Variants in ICMT observed in about 807,000 individuals in gnomAD.
The protein encoded by ICMT is protein-S-isoprenylcysteine O-methyltransferase.
A neutral mutation model predicts 32.2 loss-of-function variants in ICMT; 10 were observed. The ratio of observed to expected loss-of-function variants is 0.31; its 90% CI spans 0.19 to 0.53. The LOEUF (loss-of-function observed/expected upper bound fraction) is 0.53, where lower values mean the gene tolerates loss of function less well. Among genes scored for constraint, ICMT ranks in the 20% least tolerant of loss-of-function variants. The pLI is 0.96. For synonymous variants in ICMT, 183 were observed against 158.2 expected (o/e 1.16, Z -1.18); for missense variants, 265 against 356.9 (o/e 0.74, Z 2.07).
chr1:6,234,164 C>T (rs1040247688), intron 2 of ICMT, among the ~76,000 whole-genome samples: 5 of 152,134 alleles, frequency 3.3e-5, no homozygotes, highest in East Asian at 3.8e-4. Context: ...CGTGAGCCAC[C>T]GCGCCCGGCA....
Position 6,225,066 on chromosome 1 carries a change from G to A in ICMT, c.*14C>T, listed in dbSNP as rs79611532. ...CAGGGTCGGAGGCCCCAAGGTCACC[G>A]GGGCCACTGCCCGTCACAGGTCCAC... On this transcript the variant is annotated 3_prime_UTR_variant, in exon 5 of 5. Transcript: ENST00000343813. 3,839 of 1,607,564 alleles carry A rather than the reference G, an allele frequency of 2.4e-3. 77 individuals are homozygous for A. In the African/African-American group the frequency reaches 0.046, roughly 19 times the overall value.
Position 6,224,610 on chromosome 1 carries a change from T to TTAAAGAAATAAAGAAATAAAGAAA in ICMT, c.*469_*470insTTTCTTTATTTCTTTATTTCTTTA. On this transcript the variant is annotated 3_prime_UTR_variant, in exon 5 of 5. Transcript: ENST00000343813. ...GCAGTGGGGGACAGAAATAAAGAGG[T>TTAAAGAAATAAAGAAATAAAGAAA]TAAAGCGGTCTGTGTTTTTCGGTTA... is the stretch of plus-strand genomic sequence containing the variant. 6.5e-6 allele frequency: 1 copy of TTAAAGAAATAAAGAAATAAAGAAA among 154,860 alleles called. No individual in the cohort carries two copies. The highest frequency in any genetic ancestry group is 2.4e-5 in the African/African-American group (1 of 41,606). 9.6% of individuals were successfully genotyped at this position (154,860 alleles called of 1,614,324 possible).
rs191646116 is a variant in ICMT at position 6,228,847 on chromosome 1, T to C, written c.672+3055A>G. 1.4e-3 allele frequency among the ~76,000 whole-genome samples: 205 copies of C among 143,742 alleles called. 4 individuals are homozygous for C. The highest frequency in any genetic ancestry group is 0.014 in the Admixed American group (195 of 14,234). The allele number at this position is 143,742 out of a possible 152,430, so 94.3% of individuals were successfully genotyped here. ...TTTGAGAACCGCCTGGCCAACACAG[T>C]GAAACCCCTACTAAACCTACTAAAA... is the stretch of plus-strand genomic sequence containing the variant. On this transcript the variant is annotated intron_variant, in intron 4 of 4. Transcript: ENST00000343813.
chr1:6,221,434 C>T lies in ICMT; in HGVS notation c.*3646G>A, dbSNP rs1157040083. The stretch of plus-strand genomic sequence containing the variant: ...CAGTGGCCCAGAGAGTAGGCACTTC[C>T]CAGCATGACAGAGAGGCCGAGGCCT... On this transcript the variant is annotated 3_prime_UTR_variant, in exon 5 of 5. Transcript: ENST00000343813. 1.3e-5 allele frequency: 2 copies of T among 152,622 alleles called. No homozygotes were observed. The highest frequency in any genetic ancestry group is 2.9e-5 in the Non-Finnish European group (2 of 68,046). The allele number at this position is 152,622 out of a possible 1,614,324, so 9.5% of individuals were successfully genotyped here.
chr1:6,230,255 T>C (rs1312707180), intron 4 of ICMT, among the ~76,000 whole-genome samples: 1 of 152,150 alleles, frequency 6.6e-6, no homozygotes, highest in Non-Finnish European at 1.5e-5. Context: ...GCTGAGACTA[T>C]AGGCATGTGC....
At chr1:6,225,323 T>G in intron 4 of ICMT, 61 bp from the exon 5 acceptor site, 1 of 1,498,172 alleles carries the variant, frequency 6.7e-7, no homozygotes, top group Non-Finnish European at 9.1e-7. Context: ...TGTGCTTTGG[T>G]AGGCGTCTGT....
intron 4 of ICMT, among the ~76,000 whole-genome samples, chr1:6,225,480 C>G (rs1206511293): frequency 1.3e-5 from 2 of 152,168 alleles, no homozygotes; most frequent in African/African-American, 4.8e-5. Flanking sequence ...TGAGAGAGAT[C>G]TGTAAATCAC....
chr1:6,226,122 C>T (rs749862985), intron 4 of ICMT, among the ~76,000 whole-genome samples: 1 of 152,110 alleles, frequency 6.6e-6, no homozygotes, highest in Non-Finnish European at 1.5e-5. Context: ...TGGCCAGGTA[C>T]GGTGGCTCAT....
At chr1:6,226,583 C>CCCCCA (rs907169748) in intron 4 of ICMT, among the ~76,000 whole-genome samples, 59 of 152,256 alleles carry the variant, frequency 3.9e-4, no homozygotes, top group Non-Finnish European at 6.0e-4. Context: ...AATACAGCCA[C>CCCCCA]CCGGAGAGCC....
Position 6,235,080 on chromosome 1 carries a change from G to A in ICMT, c.196-106C>T, listed in dbSNP as rs1668799490. On this transcript the variant is annotated intron_variant, in intron 1 of 4. Coordinates refer to ENST00000343813, the MANE Select transcript of ICMT (RefSeq NM_012405.4). ...AACCCACAGGCAAGCAGATAGAGCC[G>A]ATTTGCTGAGGTTGAAAGGGAGAAG... is the stretch of plus-strand genomic sequence containing the variant. 9.5e-6 allele frequency: 8 copies of A among 840,622 alleles called. No individual in the cohort carries two copies. The South Asian group carries it at 1.0e-4, about 11-fold the overall frequency. The allele number at this position is 840,622 out of a possible 1,614,324, so 52.1% of individuals were successfully genotyped here. A position where few individuals can be genotyped will look rare whatever the true frequency, so the allele number is the denominator to read the frequency against.
chr1:6,221,473 A>G lies in ICMT; in HGVS notation c.*3607T>C, dbSNP rs538895812. On this transcript the variant is annotated 3_prime_UTR_variant, in exon 5 of 5. Transcript: ENST00000343813. ...AGGCCGAGGCCTTCTAACCTTGCCA[A>G]ACCACTACAAAAGCAAACTAGGGTG... 1 of 152,736 alleles carries G rather than the reference A, an allele frequency of 6.5e-6. No individual in the cohort carries two copies. The highest frequency in any genetic ancestry group is 2.4e-5 in the African/African-American group (1 of 41,556). 9.5% of individuals were successfully genotyped at this position (152,736 alleles called of 1,614,324 possible).
In ICMT at chr1:6,232,117, G is replaced by T; in HGVS notation, c.457C>A (p.Leu153Met). The stretch of plus-strand genomic sequence containing the variant: ...ACACTGAGCCAGGTAATCTGCTTCA[G>T]TTCTGTGGGAGAGAGACATCAACGA... ...FTLENIFWPE[L>M]KQITWLSVTG... The change falls in exon 4 of 5, where the codon CTG becomes ATG. Residue 153 changes from leucine (L) to methionine (M), a missense_variant and splice_region_variant. Around this residue, in one of 2 missense-constraint regions of ICMT, gnomAD observed 166 missense variants for 264.3 expected, o/e 0.63. Transcript: ENST00000343813. 1.2e-6 allele frequency: 2 copies of T among 1,612,868 alleles called. No individual in the cohort carries two copies. Among genetic ancestry groups the T allele is most frequent in the Non-Finnish European group, 1.7e-6 (2 of 1,179,180 alleles).
At chr1:6,225,714 G>A (rs756282639) in intron 4 of ICMT, among the ~76,000 whole-genome samples, 7 of 152,152 alleles carry the variant, frequency 4.6e-5, no homozygotes, top group Non-Finnish European at 8.8e-5. Context: ...CTCAGCTTCC[G>A]AAATGCCCCT....
At position 6,221,531 on chromosome 1, in the gene ICMT, T is replaced by C. The variant is rs944627084; in HGVS notation, c.*3549A>G. ...CCAACTACCTAAGGCAGGAAGAAAG[T>C]GCAGTGAAGGGACAGTGGTGTGCTG... On this transcript the variant is annotated 3_prime_UTR_variant, in exon 5 of 5. Transcript: ENST00000343813. 6.5e-6 allele frequency: 1 copy of C among 152,680 alleles called. No individual in the cohort carries two copies. The highest frequency in any genetic ancestry group is 1.5e-5 in the Non-Finnish European group (1 of 68,072). The allele number at this position is 152,680 out of a possible 1,614,324, so 9.5% of individuals were successfully genotyped here.
chr1:6,235,472 G>A (rs1244540461), intron 1 of ICMT, among the ~76,000 whole-genome samples: 1 of 152,094 alleles, frequency 6.6e-6, no homozygotes, highest in Non-Finnish European at 1.5e-5. Context: ...AAGCACTCGC[G>A]GGCTCGCTCA....
rs1158043442 is a variant in ICMT, at chr1:6,235,954, C to T, written c.-43G>A. ...TAGCGGGCGGCGGCGCCGGCTGTAG[C>T]CCGGAGAAACGCGCCGGCTGCGCCT... On this transcript the variant is annotated 5_prime_UTR_variant, in exon 1 of 5. Coordinates refer to ENST00000343813, the MANE Select transcript of ICMT (RefSeq NM_012405.4). 5.8e-6 allele frequency: 6 copies of T among 1,028,214 alleles called. No individual in the cohort carries two copies. Among genetic ancestry groups the T allele is most frequent in the Non-Finnish European group, 7.1e-6 (6 of 841,680 alleles). The allele number at this position is 1,028,214 out of a possible 1,614,324, so 63.7% of individuals were successfully genotyped here. A position where few individuals can be genotyped will look rare whatever the true frequency, so the allele number is the denominator to read the frequency against.
rs1410547395 is a variant in ICMT, at chr1:6,235,872, C to T, written c.40G>A (p.Ala14Thr). Residue 14 changes from alanine to threonine, a missense_variant, in exon 1 of 5, where the codon GCG (alanine) becomes ACG (threonine). By Grantham distance (58) the Ala-to-Thr change is moderately conservative. Around this residue, in one of 2 missense-constraint regions of ICMT, gnomAD observed 99 missense variants for 92.6 expected, o/e 1.07. Transcript: ENST00000343813. ...AGGAAGGTGGCGAGGCTGAGACGCG[C>T]CTCAGAGCCCGGCGGAGCCCGCGCC... Reference protein sequence around the residue: ...CAARAPPGSEARLSLATFLLG... With the variant: ...CAARAPPGSETRLSLATFLLG... 1.7e-6 allele frequency: 2 copies of T among 1,173,720 alleles called. No individual in the cohort carries two copies. Among genetic ancestry groups the T allele is most frequent in the African/African-American group, 1.7e-5 (1 of 59,878 alleles). The allele number at this position is 1,173,720 out of a possible 1,614,324, so 72.7% of individuals were successfully genotyped here.
rs1235863437 is a variant in ICMT at position 6,221,216 on chromosome 1, T to A, written c.*3864A>T. ...GGTTGAGTGAAATCAAGTGCAGTTT[T>A]ATTTAAGAACTGGAAAGAATAATCA... is the stretch of plus-strand genomic sequence containing the variant. On this transcript the variant is annotated 3_prime_UTR_variant, in exon 5 of 5. Coordinates refer to ENST00000343813, the MANE Select transcript of ICMT (RefSeq NM_012405.4). 3 of 152,640 alleles carry A rather than the reference T, an allele frequency of 2.0e-5. No individual in the cohort carries two copies. Among genetic ancestry groups the A allele is most frequent in the Non-Finnish European group, 2.9e-5 (2 of 68,046 alleles). 9.5% of individuals were successfully genotyped at this position (152,640 alleles called of 1,614,324 possible).
Position 6,235,767 on chromosome 1 carries a change from C to T in ICMT, c.145G>A (p.Ala49Thr). 7.4e-7 allele frequency: 1 copy of T among 1,343,290 alleles called. No homozygotes were observed. The allele number at this position is 1,343,290 out of a possible 1,614,324, so 83.2% of individuals were successfully genotyped here. ...AGCAGCAGCAGCGCGTTGAGCCCGGCCACGTAGAGCGCCAGCCCGGTGCGG... is the reference window on the plus strand; with the variant it reads ...AGCAGCAGCAGCGCGTTGAGCCCGGTCACGTAGAGCGCCAGCCCGGTGCGG... ...QGRTGLALYVAGLNALLLLLY... is the reference protein window; with the variant it reads ...QGRTGLALYVTGLNALLLLLY... Residue 49 changes from alanine (A) to threonine (T), a missense_variant, in exon 1 of 5, where the codon GCC becomes ACC. This residue lies in a region of ICMT where 99 missense variants were observed against 92.6 expected (regional missense o/e 1.07). Transcript: ENST00000343813.
Sources: allele counts gnomAD v4.1 joint callset (sites outside exome capture counted in the v4.1 genomes callset), GRCh38; gene constraint gnomAD v4.1.1; regional missense constraint gnomAD v4.1.1; transcripts MANE v1.5; gene names NCBI Gene and HGNC (gene_info 2026-07-23, HGNC 2026-07-21).